PTPRF: variants seen among roughly 807,000 people sequenced by gnomAD.
The protein encoded by PTPRF is receptor-type tyrosine-protein phosphatase F.
PTPRF carries 59 observed loss-of-function variants against 201.8 expected under a neutral mutation model. That is an observed-to-expected ratio of 0.29 (90% CI 0.24 to 0.36). The LOEUF (loss-of-function observed/expected upper bound fraction) is 0.36, where lower values mean the gene tolerates loss of function less well. Among genes scored for constraint, PTPRF ranks in the 10% least tolerant of loss-of-function variants. The pLI is 1.00. For synonymous variants in PTPRF, 1,088 were observed against 1,089.7 expected, an observed-to-expected ratio of 1.00 and a Z score of 0.03; for missense variants, 2,132 against 2,690.5, an observed-to-expected ratio of 0.79 and a Z score of 4.59.
chr1:43,545,240 G>C, intron 3 of PTPRF, 74 bp downstream of exon 3: 1 of 1,442,376 alleles, frequency 6.9e-7, no homozygotes, highest in Non-Finnish European at 9.5e-7. Flanking sequence ...CTCTGGGATG[G>C]GGACAGACCG....
At chr1:43,573,444 C>T (rs1371162784) in intron 6 of PTPRF, among the ~76,000 whole-genome samples, 1 of 152,198 alleles carries the variant, frequency 6.6e-6, no homozygotes. Context: ...TGAGGCGAAA[C>T]CTGGGGGTCT....
intron 11 of PTPRF, among the ~76,000 whole-genome samples, chr1:43,597,152 T>G (rs1423856231): frequency 7.5e-6 from 1 of 133,102 alleles, no homozygotes; most frequent in Non-Finnish European, 1.6e-5. Context: ...TGACACTATG[T>G]ATACGTGAGA....
At chr1:43,587,480 G>T (rs548127557) in intron 7 of PTPRF, among the ~76,000 whole-genome samples, 1 of 152,228 alleles carries the variant, frequency 6.6e-6, no homozygotes, top group Non-Finnish European at 1.5e-5. Flanking sequence ...CCCCTGTATG[G>T]TGAGGTCAGA....
intron 7 of PTPRF, among the ~76,000 whole-genome samples, chr1:43,584,202 T>C (rs747646546): frequency 9.2e-5 from 14 of 152,110 alleles, no homozygotes; most frequent in Non-Finnish European, 1.9e-4. Flanking sequence ...GACTCACCTG[T>C]CCATTGGGTT....
At chr1:43,594,477 A>G (rs1196244455) in intron 11 of PTPRF, among the ~76,000 whole-genome samples, 1 of 151,846 alleles carries the variant, frequency 6.6e-6, no homozygotes, top group Non-Finnish European at 1.5e-5. Context: ...TTGGGGACAC[A>G]GGGTAGGCAG....
At chr1:43,601,680 C>G (rs576120469) in intron 13 of PTPRF, among the ~76,000 whole-genome samples, 8 of 152,374 alleles carry the variant, frequency 5.3e-5, no homozygotes, top group Non-Finnish European at 1.2e-4. Flanking sequence ...CCATTCACCC[C>G]TCAGTGTCTT....
At chr1:43,580,726 C>T (rs981494566) in intron 7 of PTPRF, among the ~76,000 whole-genome samples, 27 of 152,264 alleles carry the variant, frequency 1.8e-4, no homozygotes, top group African/African-American at 6.5e-4. Context: ...CTCCTCCCAC[C>T]CTGACTATCG....
At chr1:43,535,212 C>T (rs1643929444) in intron 1 of PTPRF, among the ~76,000 whole-genome samples, 1 of 152,066 alleles carries the variant, frequency 6.6e-6, no homozygotes, top group African/African-American at 2.4e-5. Context: ...CTATTGTTAT[C>T]GATGGGATTG....
chr1:43,603,777 G>A lies in PTPRF; in HGVS notation c.2625G>A (p.Gln875=), dbSNP rs2154024696. The change falls in exon 16 of 34, where the codon CAG becomes CAA. Residue 875 remains glutamine, a synonymous_variant. Transcript: ENST00000359947. This position sits in a 1 kb window ranked among gnomAD's most constrained non-coding sequence, Gnocchi z 5.8. ...CCATAGATTTCGGCAAGGATGACCAGCACTTCACAGTCACCGGCCTGCACA... is the reference window on the plus strand; with the variant it reads ...CCATAGATTTCGGCAAGGATGACCAACACTTCACAGTCACCGGCCTGCACA... ...PNTIDFGKDD[Q]HFTVTGLHKG... 2.5e-6 allele frequency: 4 copies of A among 1,614,086 alleles called. No homozygotes were observed. Among genetic ancestry groups the A allele is most frequent in the Non-Finnish European group, 2.5e-6 (3 of 1,180,038 alleles).
chr1:43,591,025 G>A lies in PTPRF; in HGVS notation c.1003G>A (p.Val335Ile), dbSNP rs773543094. 1.2e-6 allele frequency: 2 copies of A among 1,613,832 alleles called. No homozygotes were observed. The highest frequency in any genetic ancestry group is 3.3e-5 in the Admixed American group (2 of 60,012). The change falls in exon 9 of 34, where the codon GTC becomes ATC. Residue 335 changes from valine (V) to isoleucine (I), a missense_variant. Physicochemically the swap from Val to Ile is conservative, Grantham distance 29 (BLOSUM62 3). Transcript: ENST00000359947. Reference protein sequence around the residue: ...LVVTETTATSVTLTWDSGNSE... With the variant: ...LVVTETTATSITLTWDSGNSE... ...GGTGACAGAGACAACTGCCACCAGT[G>A]TCACCCTCACCTGGGACTCTGGGAA... is the stretch of plus-strand genomic sequence containing the variant.
At position 43,597,967 on chromosome 1, in the gene PTPRF, C is replaced by T. The variant is rs1386119775; in HGVS notation, c.2033C>T (p.Thr678Met). ...SWDLVGLEKW[T>M]EYRVWVRAHT... ...GACCTGGTGGGCCTGGAGAAGTGGA[C>T]GGAGTACCGGGTGTGGGTGCGGGCA... Residue 678 changes from threonine (T) to methionine (M), a missense_variant, in exon 12 of 34, where the codon ACG becomes ATG. Thr to Met is a moderately conservative substitution (Grantham distance 81). This residue lies in a region of PTPRF where 125 missense variants were observed against 211.9 expected (regional missense o/e 0.59). Coordinates refer to ENST00000359947, the MANE Select transcript of PTPRF (RefSeq NM_002840.5). 8 of 1,558,274 alleles carry T rather than the reference C, an allele frequency of 5.1e-6. No individual in the cohort carries two copies. Among genetic ancestry groups the T allele is most frequent in the Admixed American group, 1.9e-5 (1 of 51,894 alleles).
At chr1:43,575,067 T>A (rs1240726213) in intron 6 of PTPRF, among the ~76,000 whole-genome samples, 1 of 152,202 alleles carries the variant, frequency 6.6e-6, no homozygotes, top group Non-Finnish European at 1.5e-5. Context: ...GGGCTGGACC[T>A]GGGCCCATCT....
chr1:43,559,392 CT>C lies in PTPRF; in HGVS notation c.379+5453del, dbSNP rs376204044. Among the ~76,000 whole-genome samples the C allele has an allele frequency of 5.8e-3, 890 of 152,164 alleles. 17 individuals are homozygous for C. The highest frequency in any genetic ancestry group is 0.021 in the African/African-American group (867 of 41,502). ...GTGGTGGTAAGCAGGTAGTGAGTAC[CT>C]TATGGGCTATGTATACAGCAAGGCA... On this transcript the variant is annotated intron_variant, in intron 5 of 33. Transcript: ENST00000359947.
Position 43,538,138 on chromosome 1 carries a change from A to G in PTPRF, c.-125-60A>G, listed in dbSNP as rs774350175. The G allele has an allele frequency of 5.3e-5, 21 of 398,450 alleles. No homozygotes were observed. In the South Asian group the frequency reaches 7.7e-4, roughly 15 times the overall value. The allele number at this position is 398,450 out of a possible 1,614,324, so 24.7% of individuals were successfully genotyped here. ...CAAATTTTTAATGTCTTTCTGTGTC[A>G]ATACATATGCTGTTGTGATGAAATT... On this transcript the variant is annotated intron_variant, in intron 1 of 33. Transcript: ENST00000359947.
rs906804973 is a variant in PTPRF at position 43,601,746 on chromosome 1, TC to T, written c.2314-322del. On this transcript the variant is annotated intron_variant, in intron 13 of 33. Coordinates refer to ENST00000359947, the MANE Select transcript of PTPRF (RefSeq NM_002840.5). ...CCCTTCTTGTCTGGCAGCCTCTCCC[TC>T]CCAGCAAGCCCAAAATTGTCAGAGC... is the stretch of plus-strand genomic sequence containing the variant. Among the ~76,000 whole-genome samples, 32 of 152,274 alleles carry T rather than the reference TC, an allele frequency of 2.1e-4. 1 individual carries two copies. The highest frequency in any genetic ancestry group is 7.7e-4 in the African/African-American group (32 of 41,546).
Position 43,605,174 on chromosome 1 carries a change from CT to C in PTPRF, c.3136-15del. ...CCTCACCCAAAGGCATTGATTGCCCCTCCCGTCCCCCACAGATTCTGTACAA... is the reference window on the plus strand; with the variant it reads ...CCTCACCCAAAGGCATTGATTGCCCCCCCGTCCCCCACAGATTCTGTACAA... On this transcript the variant is annotated splice_polypyrimidine_tract_variant and intron_variant, in intron 17 of 33. Coordinates refer to ENST00000359947, the MANE Select transcript of PTPRF (RefSeq NM_002840.5). 1 of 1,585,170 alleles carries C rather than the reference CT, an allele frequency of 6.3e-7. No individual in the cohort carries two copies. The highest frequency in any genetic ancestry group is 8.6e-7 in the Non-Finnish European group (1 of 1,160,090).
intron 21 of PTPRF, among the ~76,000 whole-genome samples, chr1:43,609,152 C>G (rs914934048): frequency 6.6e-6 from 1 of 152,152 alleles, no homozygotes; most frequent in African/African-American, 2.4e-5. Flanking sequence ...GCTGCACTGC[C>G]CCTCTGCTCA....
intron 6 of PTPRF, among the ~76,000 whole-genome samples, chr1:43,572,077 C>T (rs957041267): frequency 2.6e-5 from 4 of 152,228 alleles, no homozygotes; most frequent in Non-Finnish European, 5.9e-5. Flanking sequence ...ACCTCCGGCC[C>T]TCTGCTCACC....
chr1:43,544,512 C>G (rs1644538366), intron 2 of PTPRF, among the ~76,000 whole-genome samples: 1 of 152,212 alleles, frequency 6.6e-6, no homozygotes, highest in Non-Finnish European at 1.5e-5. Flanking sequence ...TGGCCTCCCA[C>G]CTTCTCCCTC....
Sources: gnomAD v4.1 joint callset for allele counts (sites outside exome capture counted in the v4.1 genomes callset) on GRCh38, gnomAD v4.1.1 for gene constraint, gnomAD v4.1.1 regional missense constraint, Gnocchi (gnomAD v3.1) non-coding constraint, MANE v1.5 for transcripts, NCBI Gene and HGNC (gene_info 2026-07-23, HGNC 2026-07-21) for gene names.